The following ST7 variants were observed in gnomAD, a reference collection of about 807,000 sequenced individuals.
ST7 encodes suppression of tumorigenicity 7.
In ST7, 28 loss-of-function variants were observed where a neutral mutation model predicts 78.7. That is an observed-to-expected ratio of 0.36 (90% CI 0.26 to 0.49). The LOEUF (loss-of-function observed/expected upper bound fraction) is 0.49. Among genes scored for constraint, ST7 ranks in the 20% least tolerant of loss-of-function variants. The pLI is 0.99. For synonymous variants in ST7, 247 were observed against 249.6 expected (o/e 0.99, Z 0.10); for missense variants, 418 against 696.0 (o/e 0.60, Z 4.49).
chr7:117,100,738 A>G (rs913497715), intron 2 of ST7, among the ~76,000 whole-genome samples: 2 of 152,194 alleles, frequency 1.3e-5, no homozygotes, highest in African/African-American at 2.4e-5. Context: ...CAGGTGTGCT[A>G]AATGGTAACA....
At chr7:116,983,444 G>A (rs1009811293) in intron 1 of ST7, among the ~76,000 whole-genome samples, 13 of 152,032 alleles carry the variant, frequency 8.6e-5, no homozygotes, top group Admixed American at 4.6e-4. Context: ...ACATGCTTGG[G>A]TTTTGAAACC....
intron 1 of ST7, among the ~76,000 whole-genome samples, chr7:117,061,007 A>T (rs1008983439): frequency 2.0e-5 from 3 of 152,188 alleles, no homozygotes; most frequent in Non-Finnish European, 4.4e-5. Context: ...CTCTGTCTCA[A>T]AAAAAACAAA....
intron 1 of ST7, chr7:116,956,515 G>A (rs949888294): frequency 4.2e-6 from 2 of 471,072 alleles, no homozygotes; most frequent in African/African-American, 2.0e-5. Context: ...TGCAGATGGC[G>A]CAGGCCTCCC....
At chr7:117,124,175 C>T (rs1159170300) in intron 3 of ST7, among the ~76,000 whole-genome samples, 5 of 152,070 alleles carry the variant, frequency 3.3e-5, no homozygotes, top group East Asian at 1.9e-4. Flanking sequence ...TCAAGACCTT[C>T]GTCGGTCCCA....
At chr7:117,122,783 A>G (rs2116965307) in intron 3 of ST7, among the ~76,000 whole-genome samples, 1 of 152,348 alleles carries the variant, frequency 6.6e-6, no homozygotes, top group South Asian at 2.1e-4. Flanking sequence ...AGTGCCAGAT[A>G]CCACTGGAAT....
chr7:117,176,715 G>T (rs1030477862), intron 10 of ST7, among the ~76,000 whole-genome samples: 3 of 152,130 alleles, frequency 2.0e-5, no homozygotes, highest in Admixed American at 2.0e-4. Context: ...ATGTCTGGAG[G>T]TCCAATGAGT....
intron 9 of ST7, among the ~76,000 whole-genome samples, chr7:117,161,799 C>T (rs952615716): frequency 6.6e-6 from 1 of 151,846 alleles, no homozygotes; most frequent in African/African-American, 2.4e-5. Context: ...GGGGTTTCAT[C>T]ATGTTGGCCA....
chr7:116,992,613 AG>A (rs1476890122), intron 1 of ST7, among the ~76,000 whole-genome samples: 4 of 152,344 alleles, frequency 2.6e-5, no homozygotes, highest in African/African-American at 9.6e-5. Context: ...GCTGCCGCAA[AG>A]GTCTCTGACA....
At chr7:117,153,475 GATCA>G in intron 9 of ST7, among the ~76,000 whole-genome samples, 1 of 152,232 alleles carries the variant, frequency 6.6e-6, no homozygotes, top group East Asian at 1.9e-4. Context: ...AGAAGTGCAG[GATCA>G]ATCAGTCAAA....
At chr7:117,156,978 G>A (rs1806742605) in intron 9 of ST7, among the ~76,000 whole-genome samples, 1 of 152,082 alleles carries the variant, frequency 6.6e-6, no homozygotes, top group Admixed American at 6.6e-5. Context: ...ATTTTGAGAA[G>A]GTAAAACACT....
At chr7:117,084,014 C>T (rs1318897613) in intron 1 of ST7, among the ~76,000 whole-genome samples, 1 of 152,184 alleles carries the variant, frequency 6.6e-6, no homozygotes, top group African/African-American at 2.4e-5. Flanking sequence ...CATCCAAATA[C>T]TTGAGTCTGA....
At chr7:117,137,253 A>G (rs149936024) in intron 8 of ST7, 162 of 152,266 alleles carry the variant, frequency 1.1e-3, no homozygotes, top group African/African-American at 3.7e-3. Context: ...CTGCATATAC[A>G]TGAGTATGTC....
At position 117,027,721 on chromosome 7, in the gene ST7, A is replaced by G. The variant is rs571251024; in HGVS notation, c.152-72041A>G. On this transcript the variant is annotated intron_variant, in intron 1 of 15. Transcript: ENST00000323984. ...AACAAAGCAAGACCCTGTCTCTAAA[A>G]TGAATGAATGATATAAAATAAACAC... Among the ~76,000 whole-genome samples, 22 of 152,164 alleles carry G rather than the reference A, an allele frequency of 1.4e-4. 1 individual carries two copies. The highest frequency in any genetic ancestry group is 5.3e-4 in the African/African-American group (22 of 41,512).
chr7:116,963,753 C>G (rs777891761), intron 1 of ST7, among the ~76,000 whole-genome samples: 1 of 151,898 alleles, frequency 6.6e-6, no homozygotes, highest in Non-Finnish European at 1.5e-5. Context: ...CTGCCTCAGC[C>G]TCCTGAGTAG....
chr7:116,977,215 T>C (rs1259543831), intron 1 of ST7, among the ~76,000 whole-genome samples: 2 of 152,246 alleles, frequency 1.3e-5, no homozygotes, highest in Non-Finnish European at 2.9e-5. Flanking sequence ...GTAATTTTCT[T>C]TCCATGTAAT....
chr7:116,959,152 G>A (rs892110559), intron 1 of ST7: 7 of 464,260 alleles, frequency 1.5e-5, no homozygotes, highest in Non-Finnish European at 2.6e-5. Context: ...TGTCATTTCA[G>A]CAATGTTCAC....
intron 4 of ST7, 39 bp from the exon 5 acceptor site, chr7:117,130,452 C>A: frequency 6.8e-7 from 1 of 1,474,942 alleles, no homozygotes; most frequent in Non-Finnish European, 9.4e-7. Flanking sequence ...TTGCTTTTCT[C>A]TCTCAAAAGT....
chr7:117,120,689 T>G (rs1326547486), intron 3 of ST7, among the ~76,000 whole-genome samples: 1 of 152,216 alleles, frequency 6.6e-6, no homozygotes, highest in Admixed American at 6.5e-5. Flanking sequence ...CTGTACACTA[T>G]CTCTCTACTT....
intron 1 of ST7, among the ~76,000 whole-genome samples, chr7:117,051,437 G>A (rs1394989700): frequency 6.6e-6 from 1 of 152,220 alleles, no homozygotes; most frequent in African/African-American, 2.4e-5. Context: ...GAAGCCCTGA[G>A]AGGGAAAGAG....
Sources: allele counts gnomAD v4.1 joint callset (sites outside exome capture counted in the v4.1 genomes callset), GRCh38; gene constraint gnomAD v4.1.1; transcripts MANE v1.5; gene names NCBI Gene and HGNC (gene_info 2026-07-23, HGNC 2026-07-21).